Variants in FHL5 observed in about 807,000 individuals in gnomAD.
FHL5 encodes the protein four and a half LIM domains protein 5.
A neutral mutation model predicts 32.0 loss-of-function variants in FHL5; 33 were observed. That is an observed-to-expected ratio of 1.03 (90% CI 0.78 to 1.38). The LOEUF (loss-of-function observed/expected upper bound fraction) is 1.38. Among genes scored for constraint, FHL5 ranks in the 40% most tolerant of loss-of-function variants. The pLI is 0.00. For missense variants in FHL5, 336 were observed against 343.9 expected (o/e 0.98, Z 0.18); for synonymous variants, 114 against 113.6 (o/e 1.00, Z -0.02).
chr6:96,614,257 A>G (rs1179490268), intron 5 of FHL5, among the ~76,000 whole-genome samples: 1 of 152,218 alleles, frequency 6.6e-6, no homozygotes, highest in East Asian at 1.9e-4. Context: ...AGTTTTATGA[A>G]CAGCATAATT....
intron 1 of FHL5, among the ~76,000 whole-genome samples, chr6:96,569,122 G>C (rs1207508587): frequency 6.6e-6 from 1 of 151,794 alleles, no homozygotes; most frequent in Non-Finnish European, 1.5e-5. Context: ...CTATACCCCA[G>C]ATGTTTTGGT....
At chr6:96,598,895 G>A (rs973415359) in intron 1 of FHL5, among the ~76,000 whole-genome samples, 2 of 151,978 alleles carry the variant, frequency 1.3e-5, no homozygotes, top group East Asian at 1.9e-4. Flanking sequence ...TTTTTCAAAC[G>A]CATTAATAAA....
chr6:96,612,059 G>A (rs1171321757), intron 5 of FHL5, among the ~76,000 whole-genome samples: 1 of 152,130 alleles, frequency 6.6e-6, no homozygotes, highest in Non-Finnish European at 1.5e-5. Context: ...CAATTGCATG[G>A]GGCATGCCCT....
chr6:96,567,245 G>C (rs1415942110), intron 1 of FHL5, among the ~76,000 whole-genome samples: 1 of 151,800 alleles, frequency 6.6e-6, no homozygotes, highest in Non-Finnish European at 1.5e-5. Context: ...CAAAGAGACT[G>C]TTCCTTCCCC....
At position 96,589,984 on chromosome 6, in the gene FHL5, G is replaced by A. The variant is rs572886569; in HGVS notation, c.-12-13618G>A. On this transcript the variant is annotated intron_variant, in intron 1 of 5. Transcript: ENST00000450218. ...TTAGGTCATGTGTTATATATGTATA[G>A]ACTTGCTTTTGAGCTCTCTATTCTG... 1.2e-4 allele frequency among the ~76,000 whole-genome samples: 19 copies of A among 152,072 alleles called. No homozygotes were observed. The South Asian group carries it at 3.9e-3, about 31-fold the overall frequency.
intron 1 of FHL5, among the ~76,000 whole-genome samples, chr6:96,566,790 T>C (rs1770367452): frequency 1.3e-5 from 2 of 152,026 alleles, no homozygotes; most frequent in African/African-American, 4.8e-5. Flanking sequence ...TGGCCATTTG[T>C]ATGTCTTCTT....
In FHL5 at chr6:96,608,131, T is replaced by C. The variant is rs201439420; in HGVS notation, c.504+2060T>C. 2.6e-5 allele frequency among the ~76,000 whole-genome samples: 4 copies of C among 152,298 alleles called. No individual in the cohort carries two copies. In the East Asian group the frequency reaches 7.7e-4, roughly 29 times the overall value. ...TCTTAAAGACAGACTAAAACAGTAA[T>C]GATATTTGTGAGAATTATCCTAAAA... On this transcript the variant is annotated intron_variant, in intron 4 of 5. Coordinates refer to ENST00000450218, the MANE Select transcript of FHL5 (RefSeq NM_001322466.2).
chr6:96,571,416 C>T (rs536352901), intron 1 of FHL5, among the ~76,000 whole-genome samples: 7 of 152,296 alleles, frequency 4.6e-5, no homozygotes, highest in Non-Finnish European at 5.9e-5. Context: ...CTTAGCTGAG[C>T]GCATCCCTTT....
At chr6:96,588,882 A>AT (rs1770856899) in intron 1 of FHL5, among the ~76,000 whole-genome samples, 1 of 87,942 alleles carries the variant, frequency 1.1e-5, no homozygotes, top group African/African-American at 4.7e-5. Flanking sequence ...CAATTCTTTT[A>AT]AAAAAAAAGT....
chr6:96,573,846 A>C (rs1382527017), intron 1 of FHL5, among the ~76,000 whole-genome samples: 1 of 151,862 alleles, frequency 6.6e-6, no homozygotes, highest in Non-Finnish European at 1.5e-5. Flanking sequence ...TTTGACCTAT[A>C]ATTGTTTTTT....
chr6:96,579,658 T>A (rs993792751), intron 1 of FHL5, among the ~76,000 whole-genome samples: 7 of 152,158 alleles, frequency 4.6e-5, no homozygotes, highest in Non-Finnish European at 1.0e-4. Context: ...AATGGAGTGG[T>A]TTTATAAACT....
chr6:96,576,557 C>A (rs1770588770), intron 1 of FHL5, among the ~76,000 whole-genome samples: 1 of 152,210 alleles, frequency 6.6e-6, no homozygotes, highest in Non-Finnish European at 1.5e-5. Context: ...CCATGGATGG[C>A]CCAGAGTTGG....
intron 1 of FHL5, among the ~76,000 whole-genome samples, chr6:96,574,772 T>C (rs1314531431): frequency 1.3e-5 from 2 of 152,200 alleles, no homozygotes; most frequent in Admixed American, 1.3e-4. Context: ...CCAAATAATA[T>C]ATATAAAGTC....
At chr6:96,595,170 G>A (rs1771010666) in intron 1 of FHL5, among the ~76,000 whole-genome samples, 2 of 150,986 alleles carry the variant, frequency 1.3e-5, no homozygotes, top group African/African-American at 4.9e-5. Flanking sequence ...AGGTTTTTTG[G>A]TAGTAAACAT....
chr6:96,600,158 T>C (rs1236510482), intron 1 of FHL5, among the ~76,000 whole-genome samples: 3 of 152,224 alleles, frequency 2.0e-5, no homozygotes, highest in Non-Finnish European at 2.9e-5. Flanking sequence ...GAAAAATTCA[T>C]ACTCTTACCT....
At chr6:96,602,426 CTTTTTTTTTTT>C (rs1168636713) in intron 1 of FHL5, among the ~76,000 whole-genome samples, 7 of 33,678 alleles carry the variant, frequency 2.1e-4, no homozygotes, top group Non-Finnish European at 2.6e-4. Context: ...TGCGTTGTTT[CTTTTTTTTTTT>C]TTTTTTTTTT....
rs144635040 is a variant in FHL5, at chr6:96,605,327, G to A, written c.334+403G>A. On this transcript the variant is annotated intron_variant, in intron 3 of 5. Transcript: ENST00000450218. ...TTGACACAAACTGTTTTGAGGATCG[G>A]TTATTGTTATTCTCTCTTAGGGAAG... 2.6e-3 allele frequency among the ~76,000 whole-genome samples: 401 copies of A among 152,264 alleles called. 2 individuals are homozygous for A. The highest frequency in any genetic ancestry group is 8.8e-3 in the African/African-American group (364 of 41,558).
At chr6:96,581,999 A>G (rs1770706097) in intron 1 of FHL5, among the ~76,000 whole-genome samples, 1 of 152,178 alleles carries the variant, frequency 6.6e-6, no homozygotes, top group Admixed American at 6.6e-5. Flanking sequence ...TATGCTGAAT[A>G]CTTTTAGATA....
At chr6:96,574,526 TA>T (rs1770546263) in intron 1 of FHL5, among the ~76,000 whole-genome samples, 1 of 152,196 alleles carries the variant, frequency 6.6e-6, no homozygotes, top group Non-Finnish European at 1.5e-5. Flanking sequence ...TTTAAAAATG[TA>T]AAAGCGATGC....
Sources: allele counts gnomAD v4.1 joint callset (sites outside exome capture counted in the v4.1 genomes callset), GRCh38; gene constraint gnomAD v4.1.1; transcripts MANE v1.5; gene names NCBI Gene and HGNC (gene_info 2026-07-23, HGNC 2026-07-21).